Variants in NTM observed in about 807,000 individuals in gnomAD.
NTM encodes the protein neurotrimin, also known as IgLON family member 2.
A neutral mutation model predicts 42.1 loss-of-function variants in NTM; 13 were observed. The observed-to-expected ratio is 0.31, with a 90% CI of 0.20 to 0.49. The LOEUF is 0.49. Ranked by LOEUF, NTM falls within the 20% of genes least tolerant of loss-of-function variation. The probability of loss-of-function intolerance (pLI) is 0.99; values close to 1 mark genes in which losing one functional copy is unlikely to be tolerated. For missense variants in NTM, 373 were observed against 452.8 expected (o/e 0.82, Z 1.60); for synonymous variants, 187 against 179.2 (o/e 1.04, Z -0.35).
chr11:132,095,127 C>T (rs1339531587), intron 2 of NTM, among the ~76,000 whole-genome samples: 1 of 152,178 alleles, frequency 6.6e-6, no homozygotes, highest in Non-Finnish European at 1.5e-5. Flanking sequence ...TGAGAGGGCT[C>T]ACTCTGGGCA....
intron 1 of NTM, among the ~76,000 whole-genome samples, chr11:131,500,666 T>C (rs1415833543): frequency 1.3e-5 from 2 of 149,152 alleles, no homozygotes; most frequent in African/African-American, 4.9e-5. Flanking sequence ...ACATGCACCA[T>C]GCTGGTGTGC....
chr11:132,202,014 GT>G, intron 3 of NTM, among the ~76,000 whole-genome samples: 1 of 152,290 alleles, frequency 6.6e-6, no homozygotes, highest in East Asian at 1.9e-4. Flanking sequence ...TATTTCCTCT[GT>G]TTTTACTTCT....
chr11:132,164,444 A>C (rs2074933988), intron 3 of NTM, among the ~76,000 whole-genome samples: 1 of 152,146 alleles, frequency 6.6e-6, no homozygotes, highest in South Asian at 2.1e-4. Context: ...ATAGTCAGTA[A>C]CATCAACTTT....
chr11:131,805,927 T>A lies in NTM; in HGVS notation c.83-105637T>A, dbSNP rs75846022. Among the ~76,000 whole-genome samples, 902 of 152,342 alleles carry A rather than the reference T, an allele frequency of 5.9e-3. 14 individuals are homozygous for A. The highest frequency in any genetic ancestry group is 0.021 in the African/African-American group (854 of 41,584). On this transcript the variant is annotated intron_variant, in intron 1 of 8. Coordinates refer to ENST00000683400, the MANE Select transcript of NTM (RefSeq NM_001352005.2). ...ACAAAATTAAACATGATGTTTATGG[T>A]CATGCCTATAAAATGTTGGACTTCA... is the stretch of plus-strand genomic sequence containing the variant.
intron 1 of NTM, among the ~76,000 whole-genome samples, chr11:131,676,435 A>ATGTG (rs113331899): frequency 1.3e-4 from 19 of 151,994 alleles, no homozygotes; most frequent in African/African-American, 4.3e-4. Flanking sequence ...GGGTGTGTGT[A>ATGTG]TCTGTGTGTG....
chr11:131,616,069 G>T (rs1361157712), intron 1 of NTM, among the ~76,000 whole-genome samples: 1 of 152,226 alleles, frequency 6.6e-6, no homozygotes, highest in Non-Finnish European at 1.5e-5. Flanking sequence ...GCTATCCAGG[G>T]CTCTGTGCTG....
intron 1 of NTM, among the ~76,000 whole-genome samples, chr11:131,738,697 C>T (rs564061028): frequency 6.6e-6 from 1 of 152,272 alleles, no homozygotes; most frequent in East Asian, 1.9e-4. Context: ...AGGTGGACAT[C>T]TATGCTTTGC....
intron 1 of NTM, among the ~76,000 whole-genome samples, chr11:131,779,571 C>A (rs1442286894): frequency 1.3e-5 from 2 of 152,052 alleles, no homozygotes; most frequent in African/African-American, 2.4e-5. Context: ...ATTATATAAA[C>A]AAAATAGATT....
intron 1 of NTM, among the ~76,000 whole-genome samples, chr11:131,627,180 G>A (rs2063189777): frequency 6.6e-6 from 1 of 151,864 alleles, no homozygotes; most frequent in Non-Finnish European, 1.5e-5. Context: ...TTCTTGGTTG[G>A]AAATTGCTAT....
At chr11:131,709,822 G>T (rs1202915577) in intron 1 of NTM, among the ~76,000 whole-genome samples, 1 of 152,098 alleles carries the variant, frequency 6.6e-6, no homozygotes, top group African/African-American at 2.4e-5. Flanking sequence ...TGAGCCTTAG[G>T]CACTCCAGCA....
intron 7 of NTM, among the ~76,000 whole-genome samples, chr11:132,325,242 A>C (rs1414512570): frequency 7.3e-5 from 11 of 150,616 alleles, no homozygotes; most frequent in African/African-American, 2.2e-4. Flanking sequence ...CAACCTACAA[A>C]ATGGGAGAAA....
At position 132,224,034 on chromosome 11, in the gene NTM, A is replaced by C. The variant is rs116790889; in HGVS notation, c.526+11887A>C. The stretch of plus-strand genomic sequence containing the variant: ...ACTCAGGATATCAGTCATTGGCAGA[A>C]AAGAAGAGAGGGCGGAGCAACATTG... On this transcript the variant is annotated intron_variant, in intron 4 of 8. Coordinates refer to ENST00000683400, the MANE Select transcript of NTM (RefSeq NM_001352005.2). Among the ~76,000 whole-genome samples, 198 of 152,350 alleles carry C rather than the reference A, an allele frequency of 1.3e-3. 1 individual carries two copies. Among genetic ancestry groups the C allele is most frequent in the African/African-American group, 4.7e-3 (196 of 41,580 alleles).
At chr11:131,824,127 A>G (rs922473138) in intron 1 of NTM, among the ~76,000 whole-genome samples, 1 of 152,228 alleles carries the variant, frequency 6.6e-6, no homozygotes, top group Non-Finnish European at 1.5e-5. Flanking sequence ...TAACAGAGAG[A>G]CATTTAATTT....
intron 4 of NTM, among the ~76,000 whole-genome samples, chr11:132,230,999 G>A (rs114812524): frequency 1.7e-3 from 266 of 152,330 alleles, no homozygotes; most frequent in African/African-American, 6.2e-3. Flanking sequence ...GTGATAGAGT[G>A]ACACCTTGTC....
chr11:132,272,133 C>G (rs182609902), intron 4 of NTM, among the ~76,000 whole-genome samples: 40 of 152,170 alleles, frequency 2.6e-4, no homozygotes, highest in Admixed American at 1.2e-3. Context: ...AAAGACTACT[C>G]CTTCCCCTAG....
chr11:132,236,820 C>T (rs918379403), intron 4 of NTM, among the ~76,000 whole-genome samples: 9 of 152,162 alleles, frequency 5.9e-5, no homozygotes, highest in African/African-American at 2.2e-4. Context: ...TGACTCCCTC[C>T]GAAAGAATGG....
intron 2 of NTM, among the ~76,000 whole-genome samples, chr11:132,143,283 C>T (rs1156817421): frequency 6.6e-6 from 1 of 152,168 alleles, no homozygotes; most frequent in Non-Finnish European, 1.5e-5. Context: ...GTCAGAAATG[C>T]AGCCTCCCAG....
intron 3 of NTM, among the ~76,000 whole-genome samples, chr11:132,183,296 C>T (rs920713734): frequency 6.6e-6 from 1 of 152,190 alleles, no homozygotes; most frequent in African/African-American, 2.4e-5. Flanking sequence ...TAACCATACC[C>T]CACTGGCCAC....
Position 131,809,275 on chromosome 11 carries a change from T to A in NTM, c.83-102289T>A, listed in dbSNP as rs537246323. 2.6e-5 allele frequency among the ~76,000 whole-genome samples: 4 copies of A among 152,348 alleles called. No individual in the cohort carries two copies. The East Asian group carries it at 5.8e-4, about 22-fold the overall frequency. ...ATAACAGTGCTGATGGGTCAGCTGG[T>A]AAGTAGCCATCCTCCCCGCACTGCC... On this transcript the variant is annotated intron_variant, in intron 1 of 8. Coordinates refer to ENST00000683400, the MANE Select transcript of NTM (RefSeq NM_001352005.2).
Sources: allele counts gnomAD v4.1 joint callset (sites outside exome capture counted in the v4.1 genomes callset), GRCh38; gene constraint gnomAD v4.1.1; transcripts MANE v1.5; gene names NCBI Gene and HGNC (gene_info 2026-07-23, HGNC 2026-07-21).